TULP4: variants seen among roughly 807,000 people sequenced by gnomAD.
The protein encoded by TULP4 is TUB like protein 4, also known as tubby-related protein 4.
TULP4 carries 16 observed loss-of-function variants against 129.0 expected under a neutral mutation model. The ratio of observed to expected loss-of-function variants is 0.12; its 90% CI spans 0.08 to 0.19. The LOEUF is 0.19. Among genes scored for constraint, TULP4 ranks in the 10% least tolerant of loss-of-function variants. The probability of loss-of-function intolerance (pLI) is 1.00; values close to 1 mark genes in which losing one functional copy is unlikely to be tolerated. For missense variants in TULP4, 1,842 were observed against 2,059.1 expected, an observed-to-expected ratio of 0.89 and a Z score of 2.04; for synonymous variants, 998 against 854.0, an observed-to-expected ratio of 1.17 and a Z score of -2.94.
intron 1 of TULP4, among the ~76,000 whole-genome samples, chr6:158,370,194 C>T (rs899531685): frequency 3.3e-5 from 5 of 151,846 alleles, no homozygotes; most frequent in Admixed American, 6.6e-5. Flanking sequence ...TGGTGGCTCA[C>T]GCCTGTAATC....
chr6:158,503,207 C>A lies in TULP4; in HGVS notation c.3544C>A (p.Gln1182Lys). 1.9e-6 allele frequency: 3 copies of A among 1,614,088 alleles called. No homozygotes were observed. Among genetic ancestry groups the A allele is most frequent in the Non-Finnish European group, 2.5e-6 (3 of 1,179,990 alleles). ...TCCTGCCAGCCCCACTGCCACTTTCCAAACAGGCTATGGGATGGGAGTGCC... is the reference window on the plus strand; with the variant it reads ...TCCTGCCAGCCCCACTGCCACTTTCAAAACAGGCTATGGGATGGGAGTGCC... ...KSPASPTATF[Q>K]TGYGMGVPYP... Residue 1182 changes from glutamine (Q) to lysine (K), a missense_variant, in exon 13 of 14, where the codon CAA becomes AAA. This residue lies in a region of TULP4 where 1,089 missense variants were observed against 987.1 expected (regional missense o/e 1.10). Coordinates refer to ENST00000367097, the MANE Select transcript of TULP4 (RefSeq NM_020245.5). This position sits in a 1 kb window ranked among gnomAD's most constrained non-coding sequence, Gnocchi z 4.3.
At chr6:158,249,222 T>A (rs1778091900) in intron 1 of TULP4, among the ~76,000 whole-genome samples, 1 of 152,166 alleles carries the variant, frequency 6.6e-6, no homozygotes. Flanking sequence ...TCTTGTTATA[T>A]TTTCCCATGA....
intron 1 of TULP4, among the ~76,000 whole-genome samples, chr6:158,344,273 C>T (rs1466702022): frequency 6.6e-6 from 1 of 152,232 alleles, no homozygotes; most frequent in Admixed American, 6.5e-5. Flanking sequence ...AGCCCACCTG[C>T]ACCCAGGTGA....
chr6:158,378,516 G>A (rs1175319776), intron 1 of TULP4, among the ~76,000 whole-genome samples: 13 of 122,564 alleles, frequency 1.1e-4, no homozygotes, highest in Admixed American at 1.0e-4. Context: ...ATGGAATCTC[G>A]CTCTGTTGCC....
intron 5 of TULP4, among the ~76,000 whole-genome samples, chr6:158,455,495 G>A (rs1779271441): frequency 6.6e-6 from 1 of 152,046 alleles, no homozygotes; most frequent in Admixed American, 6.5e-5. Context: ...CCAGCACTTT[G>A]GGAGGCTGAG....
chr6:158,308,890 C>G (rs1215397377), upstream of TULP4, among the ~76,000 whole-genome samples: 5 of 134,538 alleles, frequency 3.7e-5, no homozygotes, highest in African/African-American at 5.6e-5. Flanking sequence ...GGGGGCTGAC[C>G]CCCCCACCTC....
chr6:158,335,765 A>G lies in TULP4; in HGVS notation c.252+21497A>G, dbSNP rs573961816. On this transcript the variant is annotated intron_variant, in intron 1 of 13. Coordinates refer to ENST00000367097, the MANE Select transcript of TULP4 (RefSeq NM_020245.5). Reference sequence around the variant, plus strand: ...ATGTCAGTTCATGTGCATCTTCCTCATTTCTTTTTTACAGCACATGGTGTG... The same window carrying G: ...ATGTCAGTTCATGTGCATCTTCCTCGTTTCTTTTTTACAGCACATGGTGTG... 5.3e-5 allele frequency among the ~76,000 whole-genome samples: 8 copies of G among 152,258 alleles called. No individual in the cohort carries two copies. In the South Asian group the frequency reaches 1.0e-3, roughly 20 times the overall value.
In TULP4 at chr6:158,509,543, T is replaced by C. The variant is rs1780684033; in HGVS notation, c.*2849T>C. ...TAAGAGCAAATATAGGGGAAAATCT[T>C]TGAAATGAAAGCTACAAATACATGT... On this transcript the variant is annotated 3_prime_UTR_variant, in exon 14 of 14. Transcript: ENST00000367097. 1 of 152,178 alleles carries C rather than the reference T, an allele frequency of 6.6e-6. No homozygotes were observed. 9.4% of individuals were successfully genotyped at this position (152,178 alleles called of 1,614,324 possible). A position where few individuals can be genotyped will look rare whatever the true frequency, so the allele number is the denominator to read the frequency against.
intron 1 of TULP4, among the ~76,000 whole-genome samples, chr6:158,374,523 G>A (rs1454325958): frequency 6.6e-6 from 1 of 152,190 alleles, no homozygotes; most frequent in Non-Finnish European, 1.5e-5. Context: ...ATAGAAGAGT[G>A]CAGGGGTTTT....
intron 1 of TULP4, among the ~76,000 whole-genome samples, chr6:158,283,561 C>T (rs554311155): frequency 6.6e-6 from 1 of 152,294 alleles, no homozygotes; most frequent in East Asian, 1.9e-4. Context: ...TTTGATTCAA[C>T]TTTGGATCTG....
At chr6:158,467,376 A>G (rs923438463) in intron 6 of TULP4, among the ~76,000 whole-genome samples, 3 of 151,562 alleles carry the variant, frequency 2.0e-5, no homozygotes, top group Non-Finnish European at 4.4e-5. Flanking sequence ...GCCTCCCAGA[A>G]TCAAGTGATT....
chr6:158,498,631 G>T (rs562926759), intron 11 of TULP4, 38 bp from the exon 12 acceptor site: 1 of 1,613,666 alleles, frequency 6.2e-7, no homozygotes, highest in African/African-American at 1.3e-5. Flanking sequence ...CTGCTCTGGT[G>T]TGTCTCTGTT....
intron 1 of TULP4, among the ~76,000 whole-genome samples, chr6:158,375,135 C>T (rs767665724): frequency 3.3e-5 from 5 of 151,892 alleles, no homozygotes; most frequent in African/African-American, 7.3e-5. Flanking sequence ...CCCAGCTACT[C>T]GGGAGGCTGA....
At chr6:158,470,159 C>T (rs1242521884) in intron 6 of TULP4, among the ~76,000 whole-genome samples, 2 of 152,200 alleles carry the variant, frequency 1.3e-5, no homozygotes, top group South Asian at 2.1e-4. Context: ...TGATCGGGAG[C>T]GGCAATGGGC....
chr6:158,305,039 C>G (rs539247842), intron 1 of TULP4, among the ~76,000 whole-genome samples: 67 of 152,132 alleles, frequency 4.4e-4, no homozygotes, highest in African/African-American at 1.4e-3. Context: ...AACCATTTGC[C>G]TTCAGAACTC....
At chr6:158,369,986 T>C (rs886838390) in intron 1 of TULP4, among the ~76,000 whole-genome samples, 3 of 150,162 alleles carry the variant, frequency 2.0e-5, no homozygotes, top group African/African-American at 7.4e-5. Flanking sequence ...CCCAGGAGTT[T>C]GAGACCAGCC....
chr6:158,392,028 C>T (rs187873727), intron 1 of TULP4, among the ~76,000 whole-genome samples: 2 of 152,236 alleles, frequency 1.3e-5, no homozygotes, highest in Admixed American at 1.3e-4. Flanking sequence ...CATTTTCATG[C>T]TGCTGAAAAC....
chr6:158,385,035 A>G (rs1777408913), intron 1 of TULP4, among the ~76,000 whole-genome samples: 1 of 152,176 alleles, frequency 6.6e-6, no homozygotes, highest in African/African-American at 2.4e-5. Context: ...GACTAAGGCA[A>G]ATGACCTGAT....
upstream of TULP4, chr6:158,312,181 T>C: frequency 2.5e-6 from 1 of 398,542 alleles, no homozygotes; most frequent in Non-Finnish European, 4.4e-6. Context: ...TTTCTGTACT[T>C]ACACATTCAC....
Sources: gnomAD v4.1 joint callset for allele counts (sites outside exome capture counted in the v4.1 genomes callset) on GRCh38, gnomAD v4.1.1 for gene constraint, gnomAD v4.1.1 regional missense constraint, Gnocchi (gnomAD v3.1) non-coding constraint, MANE v1.5 for transcripts, NCBI Gene and HGNC (gene_info 2026-07-23, HGNC 2026-07-21) for gene names.